DYM: variants seen among roughly 807,000 people sequenced by gnomAD.
The protein encoded by DYM is dyggve-Melchior-Clausen syndrome protein.
In DYM, 78 loss-of-function variants were observed where a neutral mutation model predicts 93.1. That is an observed-to-expected ratio of 0.84 (90% CI 0.70 to 1.01). The LOEUF (loss-of-function observed/expected upper bound fraction) is 1.01, where lower values mean the gene tolerates loss of function less well. Among genes scored for constraint, DYM ranks in the 50% least tolerant of loss-of-function variants. DYM has a pLI of 0.00. For missense variants in DYM, 789 were observed against 845.0 expected, an observed-to-expected ratio of 0.93 and a Z score of 0.82; for synonymous variants, 321 against 319.7, an observed-to-expected ratio of 1.00 and a Z score of -0.04.
At chr18:49,341,049 C>G (rs947877163) in intron 6 of DYM, among the ~76,000 whole-genome samples, 1 of 152,114 alleles carries the variant, frequency 6.6e-6, no homozygotes, top group Non-Finnish European at 1.5e-5. Context: ...ATTTGTAACC[C>G]CCAAATCACT....
intron 15 of DYM, among the ~76,000 whole-genome samples, chr18:49,147,200 A>G (rs2085258503): frequency 6.6e-6 from 1 of 152,132 alleles, no homozygotes; most frequent in Non-Finnish European, 1.5e-5. Flanking sequence ...TTAATTCAAG[A>G]TGGATTAAAG....
intron 13 of DYM, 54 bp downstream of exon 13, chr18:49,256,956 T>C (rs997256694): frequency 9.6e-6 from 14 of 1,451,586 alleles, no homozygotes; most frequent in Non-Finnish European, 1.2e-5. Flanking sequence ...ATAGTATCCA[T>C]CTTAATAGCT....
chr18:49,199,780 T>G (rs1445532365), intron 14 of DYM, among the ~76,000 whole-genome samples: 1 of 152,222 alleles, frequency 6.6e-6, no homozygotes, highest in Admixed American at 6.5e-5. Context: ...AGGAAACTCA[T>G]TAGAGCTTTG....
chr18:49,046,541 GACACA>G (rs2071605456), intron 17 of DYM, among the ~76,000 whole-genome samples: 1 of 147,230 alleles, frequency 6.8e-6, no homozygotes, highest in South Asian at 2.2e-4. Context: ...CAGACACACA[GACACA>G]ACACACACAG....
At chr18:49,282,569 C>T (rs915573598) in intron 9 of DYM, among the ~76,000 whole-genome samples, 41 of 152,316 alleles carry the variant, frequency 2.7e-4, no homozygotes, top group South Asian at 1.2e-3. Flanking sequence ...GCCGAGCTCA[C>T]GCCACTGCAC....
intron 5 of DYM, among the ~76,000 whole-genome samples, chr18:49,373,473 A>T (rs569464108): frequency 4.6e-5 from 7 of 152,254 alleles, no homozygotes; most frequent in African/African-American, 1.7e-4. Context: ...GTGGGAGTGT[A>T]GCAGTAAGGA....
At chr18:49,090,604 C>T (rs994454128) in intron 17 of DYM, among the ~76,000 whole-genome samples, 2 of 152,146 alleles carry the variant, frequency 1.3e-5, no homozygotes, top group Non-Finnish European at 1.5e-5. Flanking sequence ...ACATGCTCTA[C>T]ATGGATCAGG....
intron 6 of DYM, among the ~76,000 whole-genome samples, chr18:49,336,445 T>C (rs961137701): frequency 6.6e-6 from 1 of 152,164 alleles, no homozygotes; most frequent in Non-Finnish European, 1.5e-5. Flanking sequence ...GAGGGTTTGA[T>C]GCTGGGAGGT....
chr18:49,248,961 T>C lies in DYM; in HGVS notation c.1460+8049A>G, dbSNP rs374122690. On this transcript the variant is annotated intron_variant, in intron 13 of 17. Transcript: ENST00000675505. ...GCTACTATAACTTTAGGTACTTAGA[T>C]AGATTGGGAGGCAGGTGGAATCAGG... 3.9e-5 allele frequency among the ~76,000 whole-genome samples: 6 copies of C among 152,256 alleles called. No homozygotes were observed. In the South Asian group the frequency reaches 6.2e-4, roughly 16 times the overall value.
intron 6 of DYM, among the ~76,000 whole-genome samples, chr18:49,340,156 G>A (rs1599541934): frequency 6.6e-6 from 1 of 152,014 alleles, no homozygotes; most frequent in African/African-American, 2.4e-5. Flanking sequence ...GTTTCACTGT[G>A]TTAGCCAGGA....
rs150325711 is a variant in DYM at position 49,241,905 on chromosome 18, G to A, written c.1460+15105C>T. On this transcript the variant is annotated intron_variant, in intron 13 of 17. Transcript: ENST00000675505. ...CTATAATAATTATGCTTCGACTGTC[G>A]TTAAGTTAATAATGTACAAATTCAG... Among the ~76,000 whole-genome samples the A allele has an allele frequency of 2.0e-3, 304 of 152,256 alleles. 4 individuals are homozygous for A. In the East Asian group the frequency reaches 0.031, roughly 16 times the overall value.
intron 6 of DYM, among the ~76,000 whole-genome samples, chr18:49,361,465 A>G (rs562864918): frequency 2.0e-5 from 3 of 152,242 alleles, no homozygotes; most frequent in Non-Finnish European, 4.4e-5. Flanking sequence ...GAGAAACATT[A>G]AAATCTACTT....
At chr18:49,242,497 G>A (rs1229598487) in intron 13 of DYM, among the ~76,000 whole-genome samples, 1 of 152,118 alleles carries the variant, frequency 6.6e-6, no homozygotes, top group Non-Finnish European at 1.5e-5. Context: ...GAAAAATAAA[G>A]TTTCCTGAGT....
chr18:49,205,918 C>T (rs189610511), intron 14 of DYM: 2 of 166,034 alleles, frequency 1.2e-5, no homozygotes, highest in East Asian at 3.1e-4. Context: ...GAAACGAATT[C>T]TTACATTTGG....
rs143199449 is a variant in DYM at position 49,196,763 on chromosome 18, A to AG, written c.1625+12787dup. 3.0e-3 allele frequency among the ~76,000 whole-genome samples: 460 copies of AG among 152,294 alleles called. 3 individuals are homozygous for AG. The highest frequency in any genetic ancestry group is 0.01 in the African/African-American group (425 of 41,566). On this transcript the variant is annotated intron_variant, in intron 14 of 17. Transcript: ENST00000675505. ...CCTAAGGGCAAAGAAAAGTCACTAAAGGGTTGAGCAAGGAAGATACATGTA... is the reference window on the plus strand; with the variant it reads ...CCTAAGGGCAAAGAAAAGTCACTAAAGGGGTTGAGCAAGGAAGATACATGTA...
At chr18:49,053,938 C>T (rs2075249796) in intron 17 of DYM, among the ~76,000 whole-genome samples, 1 of 152,144 alleles carries the variant, frequency 6.6e-6, no homozygotes, top group African/African-American at 2.4e-5. Context: ...GGGAGCATGA[C>T]CCAGGATGGG....
intron 3 of DYM, among the ~76,000 whole-genome samples, chr18:49,380,578 C>G (rs2067951681): frequency 6.6e-6 from 1 of 152,198 alleles, no homozygotes; most frequent in African/African-American, 2.4e-5. Flanking sequence ...ACATCCTTAT[C>G]AACTGGCTCA....
intron 13 of DYM, among the ~76,000 whole-genome samples, chr18:49,237,426 A>G (rs756553700): frequency 6.6e-6 from 1 of 152,230 alleles, no homozygotes; most frequent in Non-Finnish European, 1.5e-5. Flanking sequence ...TAAATTGCAT[A>G]TACGCAAGTA....
chr18:49,241,755 G>C (rs1455625492), intron 13 of DYM, among the ~76,000 whole-genome samples: 1 of 152,196 alleles, frequency 6.6e-6, no homozygotes, highest in East Asian at 1.9e-4. Context: ...GAAATAGTTT[G>C]TCAAGAACTG....
Sources: gnomAD v4.1 joint callset for allele counts (sites outside exome capture counted in the v4.1 genomes callset) on GRCh38, gnomAD v4.1.1 for gene constraint, MANE v1.5 for transcripts, NCBI Gene and HGNC (gene_info 2026-07-23, HGNC 2026-07-21) for gene names.